TTC3: variants seen among roughly 807,000 people sequenced by gnomAD.
TTC3 encodes the protein tetratricopeptide repeat domain 3, also known as E3 ubiquitin-protein ligase TTC3.
In TTC3, 180 loss-of-function variants were observed where a neutral mutation model predicts 249.6. That is an observed-to-expected ratio of 0.72 (90% CI 0.64 to 0.82). TTC3 has a LOEUF of 0.82. Among genes scored for constraint, TTC3 ranks in the 40% least tolerant of loss-of-function variants. The pLI is 0.00. For missense variants in TTC3, 2,061 were observed against 2,398.4 expected (o/e 0.86, Z 2.94); for synonymous variants, 717 against 805.0 (o/e 0.89, Z 1.85).
intron 11 of TTC3, among the ~76,000 whole-genome samples, chr21:37,112,772 C>T (rs555624941): frequency 1.3e-5 from 2 of 152,258 alleles, no homozygotes; most frequent in African/African-American, 4.8e-5. Context: ...CCTTGATGAA[C>T]ATTGATGCAA....
At chr21:37,106,993 G>A (rs1037117523) in intron 10 of TTC3, among the ~76,000 whole-genome samples, 1 of 151,776 alleles carries the variant, frequency 6.6e-6, no homozygotes, top group Admixed American at 6.6e-5. Flanking sequence ...CCTTTGTCAC[G>A]AATCAGGTCA....
At chr21:37,101,931 T>TA (rs2074545643) in intron 10 of TTC3, among the ~76,000 whole-genome samples, 2 of 148,056 alleles carry the variant, frequency 1.4e-5, no homozygotes, top group South Asian at 2.1e-4. Flanking sequence ...TATATATATA[T>TA]TAGTTTATAT....
At chr21:37,191,506 A>G (rs773539388) in intron 40 of TTC3, 82 bp downstream of exon 40, 2 of 817,454 alleles carry the variant, frequency 2.4e-6, no homozygotes, top group African/African-American at 1.8e-5. Context: ...TATTGAATCT[A>G]TTTCTTTTTT....
chr21:37,141,218 C>CAT (rs1315097102), intron 20 of TTC3, among the ~76,000 whole-genome samples: 7 of 152,042 alleles, frequency 4.6e-5, no homozygotes. Flanking sequence ...GTCAGTATGT[C>CAT]CCTGAGGGGA....
intron 10 of TTC3, among the ~76,000 whole-genome samples, chr21:37,105,694 C>T (rs1378252922): frequency 1.3e-5 from 2 of 152,152 alleles, no homozygotes; most frequent in African/African-American, 4.8e-5. Context: ...GAACTACCAT[C>T]CTGGCTTCCA....
intron 16 of TTC3, 43 bp downstream of exon 16, chr21:37,129,106 C>A: frequency 7.0e-7 from 1 of 1,428,086 alleles, no homozygotes; most frequent in Non-Finnish European, 9.5e-7. Flanking sequence ...CCTTAATATA[C>A]TCTTCCCAAG....
exon 46 of TTC3, chr21:37,201,609 T>C (rs373210065): frequency 7.3e-5 from 116 of 1,588,554 alleles, no homozygotes; most frequent in Non-Finnish European, 9.2e-5. Flanking sequence ...ACCAGTGTGT[T>C]GAATCCGAAG....
intron 1 of TTC3, among the ~76,000 whole-genome samples, chr21:37,085,592 G>A (rs1245239933): frequency 6.6e-6 from 1 of 152,190 alleles, no homozygotes; most frequent in Non-Finnish European, 1.5e-5. Flanking sequence ...GGTCAGAGAG[G>A]AGCTAATAAA....
intron 10 of TTC3, among the ~76,000 whole-genome samples, chr21:37,099,648 T>C (rs1464782695): frequency 6.6e-6 from 1 of 152,208 alleles, no homozygotes; most frequent in Admixed American, 6.5e-5. Flanking sequence ...AAAAATCTCA[T>C]AATACCAAGT....
At chr21:37,184,649 A>G (rs974712364) in intron 36 of TTC3, among the ~76,000 whole-genome samples, 16 of 47,466 alleles carry the variant, frequency 3.4e-4, no homozygotes, top group Non-Finnish European at 5.4e-4. Context: ...TTTTTTTTTT[A>G]GTAGAGATGG....
At chr21:37,188,661 A>C in intron 39 of TTC3, 66 bp downstream of exon 39, 2 of 1,261,074 alleles carry the variant, frequency 1.6e-6, no homozygotes, top group South Asian at 1.3e-5. Context: ...CATTTGAGAA[A>C]AACATTATTT....
At chr21:37,116,997 A>G (rs1360618277) in intron 11 of TTC3, among the ~76,000 whole-genome samples, 1 of 152,172 alleles carries the variant, frequency 6.6e-6, no homozygotes, top group Non-Finnish European at 1.5e-5. Flanking sequence ...TGCTCTGCGG[A>G]TAGCCTTCAT....
chr21:37,154,053 C>T (rs2079749777), intron 27 of TTC3, among the ~76,000 whole-genome samples: 1 of 152,218 alleles, frequency 6.6e-6, no homozygotes, highest in Non-Finnish European at 1.5e-5. Flanking sequence ...TGCAGGACTG[C>T]AGAAGGCAGC....
At chr21:37,185,273 G>A (rs1334233339) in intron 36 of TTC3, among the ~76,000 whole-genome samples, 4 of 152,170 alleles carry the variant, frequency 2.6e-5, no homozygotes, top group African/African-American at 7.2e-5. Context: ...GTGTGCGTGC[G>A]CACCCGCGTG....
At chr21:37,175,071 CG>C (rs1251057551) in intron 35 of TTC3, among the ~76,000 whole-genome samples, 1 of 143,508 alleles carries the variant, frequency 7.0e-6, no homozygotes, top group Non-Finnish European at 1.5e-5. Flanking sequence ...CTGGCTAACA[CG>C]GTGAAACCCC....
At chr21:37,077,626 A>G (rs143943083) in intron 1 of TTC3, among the ~76,000 whole-genome samples, 63 of 152,332 alleles carry the variant, frequency 4.1e-4, no homozygotes, top group African/African-American at 1.5e-3. Context: ...ATATTTGCCA[A>G]TGGAATGGGT....
intron 19 of TTC3, 40 bp downstream of exon 19, chr21:37,138,754 A>G (rs2078182088): frequency 1.0e-5 from 14 of 1,352,210 alleles, no homozygotes; most frequent in Non-Finnish European, 1.5e-5. Flanking sequence ...TTAAAATGAT[A>G]TTGACATATC....
rs558854703 is a variant in TTC3 at position 37,189,625 on chromosome 21, G to A, written c.5024+1030G>A. 7.9e-5 allele frequency among the ~76,000 whole-genome samples: 12 copies of A among 152,162 alleles called. No individual in the cohort carries two copies. In the East Asian group the frequency reaches 2.3e-3, roughly 29 times the overall value. On this transcript the variant is annotated intron_variant, in intron 39 of 45. Coordinates refer to ENST00000355666, the Ensembl canonical transcript of TTC3. ...TGTAGTGGCGTGATCTCGGCTCACT[G>A]CAAGCTCTGCCTCCCGAGTTCACGC...
chr21:37,153,080 G>A lies in TTC3; in HGVS notation c.2543G>A (p.Trp848Ter). 1 of 1,613,778 alleles carries A rather than the reference G, an allele frequency of 6.2e-7. No homozygotes were observed. The highest frequency in any genetic ancestry group is 8.5e-7 in the Non-Finnish European group (1 of 1,180,000). ...ATGCTTCTCAAAGAATTGCTTTCTT[G>A]GAAAGTTTTGAGCACAGAAGACTAT... Residue 848 changes from tryptophan (W) to a stop codon, truncating the protein, a stop_gained, in exon 27 of 46, where the codon TGG becomes TAG. Transcript: ENST00000355666. LOFTEE classifies it high-confidence loss of function.
Sources: gnomAD v4.1 joint callset for allele counts (sites outside exome capture counted in the v4.1 genomes callset) on GRCh38, gnomAD v4.1.1 for gene constraint, MANE v1.5 for transcripts, NCBI Gene and HGNC (gene_info 2026-07-23, HGNC 2026-07-21) for gene names.